The following ZC3H6 variants were observed in gnomAD, a reference collection of about 807,000 sequenced individuals.
ZC3H6 encodes the protein zinc finger CCCH domain-containing protein 6.
A neutral mutation model predicts 107.7 loss-of-function variants in ZC3H6; 40 were observed. The ratio of observed to expected loss-of-function variants is 0.37; its 90% CI spans 0.29 to 0.48. The LOEUF (loss-of-function observed/expected upper bound fraction) is 0.48. ZC3H6 is among the 20% of genes least tolerant of loss of function. The pLI, the probability that ZC3H6 is intolerant of heterozygous loss-of-function variation, is 0.98. For synonymous variants in ZC3H6, 493 were observed against 487.9 expected, an observed-to-expected ratio of 1.01 and a Z score of -0.14; for missense variants, 1,267 against 1,410.4, an observed-to-expected ratio of 0.90 and a Z score of 1.63.
intron 3 of ZC3H6, among the ~76,000 whole-genome samples, chr2:112,308,083 A>G (rs1676511241): frequency 6.6e-6 from 1 of 152,172 alleles, no homozygotes; most frequent in Non-Finnish European, 1.5e-5. Flanking sequence ...AATCTAAGCA[A>G]TTATTTTTTG....
At chr2:112,281,965 G>C (rs563366392) in intron 1 of ZC3H6, among the ~76,000 whole-genome samples, 2 of 152,170 alleles carry the variant, frequency 1.3e-5, no homozygotes, top group East Asian at 3.9e-4. Context: ...AAACTGGTGG[G>C]CTTCAGGCCT....
chr2:112,321,029 G>C (rs990914175), intron 7 of ZC3H6, among the ~76,000 whole-genome samples: 1 of 151,952 alleles, frequency 6.6e-6, no homozygotes, highest in East Asian at 1.9e-4. Flanking sequence ...CTGCCAAAAT[G>C]ATCATATAAT....
rs1677070833 is a variant in ZC3H6, at chr2:112,333,193, A to C, written c.*705A>C. On this transcript the variant is annotated 3_prime_UTR_variant, in exon 12 of 12. Coordinates refer to ENST00000409871, the MANE Select transcript of ZC3H6 (RefSeq NM_198581.3). ...CATAACTTTTTACATTTAATTTTTCATATGAAATAGCAATTAGTTACTGCT... is the reference window on the plus strand; with the variant it reads ...CATAACTTTTTACATTTAATTTTTCCTATGAAATAGCAATTAGTTACTGCT... The C allele has an allele frequency of 6.6e-6, 1 of 152,654 alleles. No homozygotes were observed. The highest frequency in any genetic ancestry group is 2.4e-5 in the African/African-American group (1 of 41,468). The allele number at this position is 152,654 out of a possible 1,614,324, so 9.5% of individuals were successfully genotyped here.
chr2:112,325,705 A>G (rs1430085542), intron 11 of ZC3H6, among the ~76,000 whole-genome samples: 1 of 152,150 alleles, frequency 6.6e-6, no homozygotes, highest in African/African-American at 2.4e-5. Context: ...GGAAAAGGAC[A>G]ACTTTCAGTT....
chr2:112,297,973 G>T (rs967271857), intron 1 of ZC3H6, among the ~76,000 whole-genome samples: 2 of 152,134 alleles, frequency 1.3e-5, no homozygotes, highest in African/African-American at 4.8e-5. Flanking sequence ...AAATTAGTCG[G>T]ATGTGATGGC....
intron 1 of ZC3H6, among the ~76,000 whole-genome samples, chr2:112,289,449 C>G (rs1390117942): frequency 6.6e-6 from 1 of 151,800 alleles, no homozygotes; most frequent in Non-Finnish European, 1.5e-5. Context: ...CTCAGCTTCC[C>G]AAGTAGCTGG....
chr2:112,293,626 C>A (rs1676160876), intron 1 of ZC3H6, among the ~76,000 whole-genome samples: 1 of 152,176 alleles, frequency 6.6e-6, no homozygotes, highest in Admixed American at 6.5e-5. Context: ...CCAGTGTGAG[C>A]AGACAGTATT....
At chr2:112,283,656 T>G (rs962022996) in intron 1 of ZC3H6, among the ~76,000 whole-genome samples, 2 of 152,204 alleles carry the variant, frequency 1.3e-5, no homozygotes, top group African/African-American at 2.4e-5. Context: ...ATTTTATAGT[T>G]TAGGAAACAG....
intron 1 of ZC3H6, chr2:112,285,927 C>G (rs1686599197): frequency 5.6e-6 from 1 of 177,516 alleles, no homozygotes; most frequent in Non-Finnish European, 1.2e-5. Flanking sequence ...CCCCACTGCA[C>G]TCCAGCCTGG....
chr2:112,280,692 C>G (rs1186579202), intron 1 of ZC3H6, among the ~76,000 whole-genome samples: 1 of 151,984 alleles, frequency 6.6e-6, no homozygotes, highest in Non-Finnish European at 1.5e-5. Context: ...ATAACTAGAC[C>G]TGGAGGATGA....
chr2:112,305,690 T>C (rs1032806840), intron 3 of ZC3H6, among the ~76,000 whole-genome samples: 7 of 152,236 alleles, frequency 4.6e-5, no homozygotes, highest in Admixed American at 3.9e-4. Flanking sequence ...GTTTAGCCTT[T>C]GCTTAGCATA....
chr2:112,280,478 C>A (rs1303582250), intron 1 of ZC3H6, among the ~76,000 whole-genome samples: 1 of 152,124 alleles, frequency 6.6e-6, no homozygotes, highest in Non-Finnish European at 1.5e-5. Flanking sequence ...TCAGACTTAA[C>A]AGTGTTTCGT....
chr2:112,286,463 A>G (rs1377160962), intron 1 of ZC3H6: 3 of 157,486 alleles, frequency 1.9e-5, no homozygotes, highest in Admixed American at 6.5e-5. Flanking sequence ...TTTGGAAACA[A>G]GGTTGGCTCT....
At chr2:112,312,579 T>G (rs1266044423) in intron 5 of ZC3H6, among the ~76,000 whole-genome samples, 3 of 152,116 alleles carry the variant, frequency 2.0e-5, no homozygotes, top group Non-Finnish European at 2.9e-5. Context: ...AGCTGGAGCT[T>G]TGGCTGGGCA....
rs1198598258 is a variant in ZC3H6 at position 112,331,173 on chromosome 2, G to A, written c.2255G>A (p.Gly752Glu). Reference protein sequence around the residue: ...DPRLAKEKSKGNQVVDPRLRT... With the variant: ...DPRLAKEKSKENQVVDPRLRT... ...AGACTTGCTAAAGAGAAAAGTAAAG[G>A]AAACCAAGTGGTTGACCCTAGGCTT... The change falls in exon 12 of 12, where the codon GGA becomes GAA. Residue 752 changes from glycine (G) to glutamate (E), a missense_variant. Gly to Glu is a moderately conservative substitution (Grantham distance 98). Transcript: ENST00000409871. The A allele has an allele frequency of 1.2e-6, 2 of 1,613,582 alleles. No individual in the cohort carries two copies. The highest frequency in any genetic ancestry group is 1.7e-5 in the Admixed American group (1 of 59,956).
chr2:112,317,198 CT>C (rs564035069), intron 6 of ZC3H6, 22 bp from the exon 7 acceptor site: 63,755 of 993,862 alleles, frequency 0.064, no homozygotes, highest in Non-Finnish European at 0.072. Flanking sequence ...TTTCTTTTTT[CT>C]TTTTTTTTTT....
chr2:112,324,011 A>C, intron 9 of ZC3H6, 141 bp from the exon 10 acceptor site: 1 of 876,058 alleles, frequency 1.1e-6, no homozygotes, highest in South Asian at 2.6e-5. Context: ...TATCGACGCT[A>C]TGGAACAAAT....
At position 112,325,002 on chromosome 2, in the gene ZC3H6, C is replaced by T; in HGVS notation, c.1891C>T (p.Pro631Ser). ...TGGTGAATTTGCCCAGCAGCAGCCTCCTGTTGTTCAAGACTCACCTAACCA... is the reference window on the plus strand; with the variant it reads ...TGGTGAATTTGCCCAGCAGCAGCCTTCTGTTGTTCAAGACTCACCTAACCA... The part of the protein sequence containing the change: ...WHGEFAQQQP[P>S]VVQDSPNHGS... Residue 631 changes from proline to serine, a missense_variant, in exon 11 of 12, where the codon CCT (proline) becomes TCT (serine). By Grantham distance (74) the Pro-to-Ser change is moderately conservative. This residue lies in a region of ZC3H6 where 925 missense variants were observed against 1,025.7 expected (regional missense o/e 0.90). Coordinates refer to ENST00000409871, the MANE Select transcript of ZC3H6 (RefSeq NM_198581.3). 1.2e-6 allele frequency: 2 copies of T among 1,611,782 alleles called. No individual in the cohort carries two copies. The highest frequency in any genetic ancestry group is 2.2e-5 in the South Asian group (2 of 90,612).
At chr2:112,290,486 T>C (rs958755805) in intron 1 of ZC3H6, among the ~76,000 whole-genome samples, 2 of 152,262 alleles carry the variant, frequency 1.3e-5, no homozygotes, top group Non-Finnish European at 2.9e-5. Flanking sequence ...CGTATACTTG[T>C]GTGGTTATTT....
Sources: gnomAD v4.1 joint callset for allele counts (sites outside exome capture counted in the v4.1 genomes callset) on GRCh38, gnomAD v4.1.1 for gene constraint, gnomAD v4.1.1 regional missense constraint, MANE v1.5 for transcripts, NCBI Gene and HGNC (gene_info 2026-07-23, HGNC 2026-07-21) for gene names.